RP2: variants seen among roughly 807,000 people sequenced by gnomAD.
The protein encoded by RP2 is protein XRP2.
A neutral mutation model predicts 20.3 loss-of-function variants in RP2; 3 were observed. The ratio of observed to expected loss-of-function variants is 0.15; its 90% CI spans 0.07 to 0.38. The LOEUF (loss-of-function observed/expected upper bound fraction) is 0.38. RP2 is among the 10% of genes least tolerant of loss of function. The probability of loss-of-function intolerance (pLI) is 1.00; values close to 1 mark genes in which losing one functional copy is unlikely to be tolerated. For synonymous variants in RP2, 75 were observed against 94.8 expected, an observed-to-expected ratio of 0.79 and a Z score of 1.22; for missense variants, 233 against 268.5, an observed-to-expected ratio of 0.87 and a Z score of 0.92.
At chrX:46,839,975 T>G (rs1449387240) in intron 1 of RP2, among the ~76,000 whole-genome samples, 1 of 111,693 alleles carries the variant, frequency 9.0e-6, no homozygotes, top group Non-Finnish European at 1.9e-5. Context: ...GAGTATCTTT[T>G]TTTGATGTTT....
rs1556327816 is a variant in RP2 at position 46,877,414 on chromosome X, T to G, written c.884-91T>G. 4.7e-6 allele frequency: 3 copies of G among 640,357 alleles called. No individual in the cohort carries two copies. The East Asian group carries it at 1.1e-4, about 23-fold the overall frequency. 52.8% of individuals were successfully genotyped at this position (640,357 alleles called of 1,213,427 possible). Reference sequence around the variant, plus strand: ...CCTTCTCTTTCACCCTCAAAGAAGATGCTGGAGATTCTTCAGGGAAGAATA... The same window carrying G: ...CCTTCTCTTTCACCCTCAAAGAAGAGGCTGGAGATTCTTCAGGGAAGAATA... On this transcript the variant is annotated intron_variant, in intron 3 of 4. Transcript: ENST00000218340.
At chrX:46,871,055 G>A (rs1925283151) in intron 3 of RP2, among the ~76,000 whole-genome samples, 1 of 74,035 alleles carries the variant, frequency 1.4e-5, no homozygotes, top group African/African-American at 5.6e-5. Flanking sequence ...TTTGTGAGAT[G>A]GAGTTTTGCT....
At chrX:46,860,873 A>C (rs1925049629) in intron 3 of RP2, among the ~76,000 whole-genome samples, 1 of 112,202 alleles carries the variant, frequency 8.9e-6, no homozygotes, top group Non-Finnish European at 1.9e-5. Context: ...TTATGTATAA[A>C]AATATTATAA....
chrX:46,847,687 T>TATATATGTGTGTGTGTATATATACACAC (rs1569531325), intron 1 of RP2, among the ~76,000 whole-genome samples: 60 of 85,268 alleles, frequency 7.0e-4, no homozygotes, highest in East Asian at 2.8e-3. Flanking sequence ...GATCACACTA[T>TATATATGTGTGTGTGTATATATACACAC]ATATATGTGT....
intron 3 of RP2, among the ~76,000 whole-genome samples, chrX:46,869,486 G>A (rs1925245233): frequency 9.6e-6 from 1 of 104,371 alleles, no homozygotes; most frequent in South Asian, 4.5e-4. Flanking sequence ...TAATGAAGAC[G>A]GGGTTTCTCC....
intron 3 of RP2, among the ~76,000 whole-genome samples, chrX:46,872,571 A>C (rs1185117080): frequency 8.9e-6 from 1 of 112,323 alleles, no homozygotes; most frequent in Non-Finnish European, 1.9e-5. Context: ...CTAATATTAC[A>C]CAACTTCACC....
chrX:46,837,290 C>G (rs1327327877), intron 1 of RP2, 88 bp downstream of exon 1: 3 of 889,492 alleles, frequency 3.4e-6, no homozygotes, highest in Non-Finnish European at 4.8e-6. Context: ...GGGGGCCGAC[C>G]CAACTGCTGC....
At chrX:46,847,757 T>TACACACATGTGTGTGTGTAC (rs1924757944) in intron 1 of RP2, among the ~76,000 whole-genome samples, 8 of 87,508 alleles carry the variant, frequency 9.1e-5, no homozygotes, top group African/African-American at 2.3e-4. Context: ...TGTGTGTGTA[T>TACACACATGTGTGTGTGTAC]ATACACACAT....
At position 46,855,963 on chromosome X, in the gene RP2, A is replaced by G. The variant is rs944750324; in HGVS notation, c.768+1822A>G. The stretch of plus-strand genomic sequence containing the variant: ...TATAGTTTTTAAACCAACAGAAGCC[A>G]AAGTTTAATTTTAAGACTTTTATAT... On this transcript the variant is annotated intron_variant, in intron 2 of 4. Transcript: ENST00000218340. 3.6e-5 allele frequency among the ~76,000 whole-genome samples: 4 copies of G among 112,103 alleles called. No individual in the cohort carries two copies. The South Asian group carries it at 1.5e-3, about 42-fold the overall frequency.
At chrX:46,870,933 AT>A (rs1925279540) in intron 3 of RP2, among the ~76,000 whole-genome samples, 1 of 106,646 alleles carries the variant, frequency 9.4e-6, no homozygotes, top group Non-Finnish European at 1.9e-5. Flanking sequence ...TTGTATTTTC[AT>A]TTTTATTTAA....
At chrX:46,847,758 A>T in intron 1 of RP2, among the ~76,000 whole-genome samples, 1 of 87,655 alleles carries the variant, frequency 1.1e-5, no homozygotes, top group Non-Finnish European at 2.2e-5. Flanking sequence ...GTGTGTGTAT[A>T]TACACACATG....
chrX:46,879,607 T>C (rs971219348), intron 4 of RP2, 79 bp from the exon 5 acceptor site: 5 of 578,822 alleles, frequency 8.6e-6, no homozygotes, highest in East Asian at 3.6e-5. Context: ...CTTGGAACTT[T>C]GTTCTGTGGA....
intron 1 of RP2, among the ~76,000 whole-genome samples, chrX:46,852,257 A>G (rs920002752): frequency 1.8e-5 from 2 of 109,570 alleles, no homozygotes; most frequent in Non-Finnish European, 3.8e-5. Flanking sequence ...GAAGAGAGGA[A>G]GGGAGGGAGG....
intron 1 of RP2, among the ~76,000 whole-genome samples, chrX:46,844,248 A>G (rs1294666251): frequency 9.0e-6 from 1 of 111,204 alleles, no homozygotes; most frequent in Non-Finnish European, 1.9e-5. Flanking sequence ...TTACATATGT[A>G]TGCATGTGCC....
At chrX:46,864,193 C>CT (rs1229182642) in intron 3 of RP2, among the ~76,000 whole-genome samples, 1 of 110,779 alleles carries the variant, frequency 9.0e-6, no homozygotes, top group African/African-American at 3.3e-5. Context: ...GTCCCAGCTA[C>CT]TTGGAGGCTG....
At chrX:46,869,236 A>AC (rs1179487246) in intron 3 of RP2, among the ~76,000 whole-genome samples, 3 of 110,986 alleles carry the variant, frequency 2.7e-5, no homozygotes, top group Non-Finnish European at 5.7e-5. Flanking sequence ...ACAAAGTGAG[A>AC]CCCCCATCTC....
chrX:46,847,659 C>CAT (rs782310100), intron 1 of RP2, among the ~76,000 whole-genome samples: 2 of 99,103 alleles, frequency 2.0e-5, no homozygotes, highest in African/African-American at 3.7e-5. Context: ...TCTCTCTTTA[C>CAT]ATATATATAT....
Position 46,837,196 on chromosome X carries a change from C to G in RP2, c.96C>G (p.Arg32=). 7.7e-6 allele frequency: 9 copies of G among 1,167,966 alleles called. No homozygotes were observed. The highest frequency in any genetic ancestry group is 1.0e-5 in the Non-Finnish European group (9 of 872,981). The stretch of plus-strand genomic sequence containing the variant: ...CAAAGCAGTACAGCTGGGATCAGCG[C>G]GAGAAGGTAATGAAAGTCGTGTAGC... ...ERPKQYSWDQ[R]EKVDPKDYMF... The change falls in exon 1 of 5, where the codon CGC becomes CGG. Residue 32 remains arginine (R), a synonymous_variant. Coordinates refer to ENST00000218340, the MANE Select transcript of RP2 (RefSeq NM_006915.3).
intron 1 of RP2, among the ~76,000 whole-genome samples, chrX:46,847,787 C>CGTGTGTGTGTCTATACACACAT (rs1924770032): frequency 1.2e-5 from 1 of 82,654 alleles, no homozygotes; most frequent in Admixed American, 1.3e-4. Flanking sequence ...TACATACACA[C>CGTGTGTGTGTCTATACACACAT]ATGTGTGTGT....
Sources: allele counts gnomAD v4.1 joint callset (sites outside exome capture counted in the v4.1 genomes callset), GRCh38; gene constraint gnomAD v4.1.1; transcripts MANE v1.5; gene names NCBI Gene and HGNC (gene_info 2026-07-23, HGNC 2026-07-21).